Variants in BLK observed in about 807,000 individuals in gnomAD.
The protein encoded by BLK is BLK proto-oncogene, Src family tyrosine kinase, also known as tyrosine-protein kinase Blk.
BLK carries 64 observed loss-of-function variants against 61.8 expected under a neutral mutation model. The observed-to-expected ratio is 1.03, with a 90% CI of 0.85 to 1.27. BLK has a LOEUF of 1.27. Ranked by LOEUF, BLK falls within the 50% of genes most tolerant of loss-of-function variation. BLK has a pLI of 0.00. For missense variants in BLK, 853 were observed against 660.5 expected, an observed-to-expected ratio of 1.29 and a Z score of -3.19; for synonymous variants, 351 against 272.0, an observed-to-expected ratio of 1.29 and a Z score of -2.86.
At chr8:11,510,349 C>T (rs965873103) in intron 1 of BLK, among the ~76,000 whole-genome samples, 1 of 152,162 alleles carries the variant, frequency 6.6e-6, no homozygotes, top group African/African-American at 2.4e-5. Flanking sequence ...GGCCAGAGAG[C>T]AGACTTTCCT....
At chr8:11,516,796 T>C (rs1799246566) in intron 1 of BLK, among the ~76,000 whole-genome samples, 1 of 152,222 alleles carries the variant, frequency 6.6e-6, no homozygotes. Context: ...CCATTGTACA[T>C]ATAGCCCACA....
At chr8:11,506,771 C>G (rs1279452695) in intron 1 of BLK, among the ~76,000 whole-genome samples, 2 of 152,200 alleles carry the variant, frequency 1.3e-5, no homozygotes, top group Non-Finnish European at 1.5e-5. Flanking sequence ...CAAGCCCCCT[C>G]TCAGAGATTC....
At chr8:11,498,196 A>C (rs1351320966) in intron 1 of BLK, among the ~76,000 whole-genome samples, 1 of 152,234 alleles carries the variant, frequency 6.6e-6, no homozygotes, top group East Asian at 1.9e-4. Flanking sequence ...CCTGGGATGC[A>C]AAATGTAAGG....
chr8:11,543,399 C>G (rs908592775), intron 2 of BLK, 52 bp downstream of exon 2: 3 of 1,605,708 alleles, frequency 1.9e-6, no homozygotes, highest in African/African-American at 2.7e-5. Context: ...TCTCCTATGC[C>G]TTAATGTCCA....
rs965325221 is a variant in BLK, at chr8:11,537,751, C to T, written c.-1-5473C>T. On this transcript the variant is annotated intron_variant, in intron 1 of 12. Coordinates refer to ENST00000259089, the MANE Select transcript of BLK (RefSeq NM_001715.3). ...CATGTATTAGAAAAAAAGAAAAACT[C>T]GTTATCCGTCAAGTGCTTTTCAACC... Among the ~76,000 whole-genome samples, 64 of 152,314 alleles carry T rather than the reference C, an allele frequency of 4.2e-4. 1 individual carries two copies. The highest frequency in any genetic ancestry group is 1.5e-3 in the African/African-American group (61 of 41,578).
intron 4 of BLK, 108 bp downstream of exon 4, chr8:11,548,233 A>T (rs549327700): frequency 4.2e-6 from 4 of 945,758 alleles, no homozygotes; most frequent in Admixed American, 1.9e-5. Flanking sequence ...AGTCTTCTCC[A>T]TCGCCCTGCC....
At chr8:11,533,394 A>G (rs1033994883) in intron 1 of BLK, among the ~76,000 whole-genome samples, 3 of 152,114 alleles carry the variant, frequency 2.0e-5, no homozygotes, top group Admixed American at 1.3e-4. Context: ...GGGTTCTGCC[A>G]AGGAAACATT....
chr8:11,496,070 C>T (rs7829697), intron 1 of BLK, among the ~76,000 whole-genome samples: 7,601 of 152,262 alleles, frequency 0.05, 532 homozygotes, highest in African/African-American at 0.16. Flanking sequence ...TTTGAACATT[C>T]TGGAATATAG....
rs1801609200 is a variant in BLK at position 11,563,960 on chromosome 8, C to T, written c.1370C>T (p.Pro457Leu). 4.4e-6 allele frequency: 7 copies of T among 1,606,818 alleles called. No homozygotes were observed. Among genetic ancestry groups the T allele is most frequent in the Non-Finnish European group, 5.1e-6 (6 of 1,179,320 alleles). Residue 457 changes from proline (P) to leucine (L), a missense_variant, in exon 13 of 13, where the codon CCC (proline) becomes CTC (leucine). By Grantham distance (98) the Pro-to-Leu change is moderately conservative (BLOSUM62 -3). Coordinates refer to ENST00000259089, the MANE Select transcript of BLK (RefSeq NM_001715.3). ...NLERGYRMPR[P>L]DTCPPELYRG... The stretch of plus-strand genomic sequence containing the variant: ...GAGCGCGGCTACCGCATGCCGCGCC[C>T]CGACACCTGCCCGCCCGAGCTGTAC...
chr8:11,527,819 A>G (rs1035767110), intron 1 of BLK, among the ~76,000 whole-genome samples: 3 of 152,084 alleles, frequency 2.0e-5, no homozygotes, highest in African/African-American at 7.2e-5. Flanking sequence ...AGGTTCTGCA[A>G]TAGTGATGTT....
At chr8:11,561,531 C>T in intron 11 of BLK, 79 bp downstream of exon 11, 1 of 1,547,170 alleles carries the variant, frequency 6.5e-7, no homozygotes, top group Non-Finnish European at 8.8e-7. Flanking sequence ...TAACTTCTCC[C>T]AGCACAGCCC....
At chr8:11,524,240 C>CAA (rs1452216557) in intron 1 of BLK, among the ~76,000 whole-genome samples, 30 of 152,068 alleles carry the variant, frequency 2.0e-4, no homozygotes, top group Non-Finnish European at 7.4e-5. Flanking sequence ...AGTTATGACA[C>CAA]AATATAAACA....
Position 11,548,120 on chromosome 8 carries a change from G to T in BLK, c.264G>T (p.Leu88=). 6.2e-7 allele frequency: 1 copy of T among 1,612,876 alleles called. No homozygotes were observed. Among genetic ancestry groups the T allele is most frequent in the East Asian group, 2.2e-5 (1 of 44,880 alleles). ...TGAAGGGGGAGAAGCTACAGGTCCT[G>T]AAGGGGTGAGGTTCCAGGACACCAT... ...QMLKGEKLQV[L]KGTGDWWLAR... The change falls in exon 4 of 13, where the codon CTG becomes CTT. Residue 88 remains leucine (L), a synonymous_variant. Coordinates refer to ENST00000259089, the MANE Select transcript of BLK (RefSeq NM_001715.3).
chr8:11,521,718 C>G (rs986474358), intron 1 of BLK, among the ~76,000 whole-genome samples: 1 of 152,206 alleles, frequency 6.6e-6, no homozygotes, highest in Non-Finnish European at 1.5e-5. Context: ...GCCCTGGAGA[C>G]GCACAGTGCC....
At chr8:11,500,565 G>C (rs1355196683) in intron 1 of BLK, among the ~76,000 whole-genome samples, 1 of 151,484 alleles carries the variant, frequency 6.6e-6, no homozygotes, top group Non-Finnish European at 1.5e-5. Context: ...TCCCAGGCTG[G>C]AGTGCAGTGG....
In BLK at chr8:11,542,904, C is replaced by T. The variant is rs143886542; in HGVS notation, c.-1-320C>T. Among the ~76,000 whole-genome samples, 624 of 152,314 alleles carry T rather than the reference C, an allele frequency of 4.1e-3. 3 individuals are homozygous for T. Among genetic ancestry groups the T allele is most frequent in the Middle Eastern group, 0.014 (4 of 294 alleles). On this transcript the variant is annotated intron_variant, in intron 1 of 12. Coordinates refer to ENST00000259089, the MANE Select transcript of BLK (RefSeq NM_001715.3). Reference sequence around the variant, plus strand: ...ACACATTGGTGGGCTCTTTCTAGAACACCACGTGGCCTCCCGCTCAGGCTC... The same window carrying T: ...ACACATTGGTGGGCTCTTTCTAGAATACCACGTGGCCTCCCGCTCAGGCTC...
At chr8:11,507,750 C>A (rs1159292499) in intron 1 of BLK, among the ~76,000 whole-genome samples, 1 of 151,994 alleles carries the variant, frequency 6.6e-6, no homozygotes, top group Non-Finnish European at 1.5e-5. Flanking sequence ...AGGATGGTGA[C>A]CTGGATTAGG....
chr8:11,555,396 C>T lies in BLK; in HGVS notation c.684C>T (p.Pro228=). The T allele has an allele frequency of 6.2e-7, 1 of 1,614,172 alleles. No homozygotes were observed. Among genetic ancestry groups the T allele is most frequent in the East Asian group, 2.2e-5 (1 of 44,870 alleles). The part of the protein sequence containing the change: ...LPCVRPAPQN[P]WAQDEWEIPR... ...GTGTGCGCCCGGCCCCGCAGAATCC[C>T]TGGGCCCAGGATGAATGGGAGATCC... Residue 228 remains proline (P), a synonymous_variant, in exon 8 of 13, where the codon CCC becomes CCT. Coordinates refer to ENST00000259089, the MANE Select transcript of BLK (RefSeq NM_001715.3).
chr8:11,531,782 A>T (rs1292206542), intron 1 of BLK, among the ~76,000 whole-genome samples: 1 of 152,064 alleles, frequency 6.6e-6, no homozygotes, highest in East Asian at 1.9e-4. Flanking sequence ...GGTACTTTCA[A>T]TTGCAGTGTC....
Sources: allele counts gnomAD v4.1 joint callset (sites outside exome capture counted in the v4.1 genomes callset), GRCh38; gene constraint gnomAD v4.1.1; transcripts MANE v1.5; gene names NCBI Gene and HGNC (gene_info 2026-07-23, HGNC 2026-07-21).